CTSZ: variants seen among roughly 807,000 people sequenced by gnomAD.
The protein encoded by CTSZ is carboxypeptidase LB.
A neutral mutation model predicts 32.4 loss-of-function variants in CTSZ; 39 were observed. The ratio of observed to expected loss-of-function variants is 1.20; its 90% confidence interval spans 0.93 to 1.57. The LOEUF (loss-of-function observed/expected upper bound fraction) is 1.57. Ranked by LOEUF, CTSZ falls within the 40% of genes most tolerant of loss-of-function variation. CTSZ has a pLI of 0.00. For synonymous variants in CTSZ, 168 were observed against 170.1 expected (o/e 0.99, Z 0.10); for missense variants, 397 against 419.6 (o/e 0.95, Z 0.47).
At position 58,995,567 on chromosome 20, in the gene CTSZ, G is replaced by T; in HGVS notation, c.*82C>A. The stretch of plus-strand genomic sequence containing the variant: ...TAGCCACCCCAGTTCCTGCCAGCCA[G>T]CCTGGCACACATAACCATAGGATCC... On this transcript the variant is annotated 3_prime_UTR_variant, in exon 6 of 6. Transcript: ENST00000217131. The T allele has an allele frequency of 1.5e-6, 2 of 1,319,802 alleles. No homozygotes were observed. The highest frequency in any genetic ancestry group is 2.2e-6 in the Non-Finnish European group (2 of 921,482). 81.8% of individuals were successfully genotyped at this position (1,319,802 alleles called of 1,614,324 possible). A position where few individuals can be genotyped will look rare whatever the true frequency, so the allele number is the denominator to read the frequency against.
At position 58,997,743 on chromosome 20, in the gene CTSZ, C is replaced by T. The variant is rs1206487671; in HGVS notation, c.498G>A (p.Lys166=). ...NYQAKDQECD[K]FNQCGTCNEF... ...CATTGCATGTCCCACATTGGTTAAA[C>T]TTGTCACACTCTGGGGGAGAGCAAG... The change falls in exon 4 of 6, where the codon AAG becomes AAA. Residue 166 remains lysine (K), a synonymous_variant. Transcript: ENST00000217131. 1.2e-6 allele frequency: 2 copies of T among 1,606,148 alleles called. No homozygotes were observed. The highest frequency in any genetic ancestry group is 1.1e-5 in the South Asian group (1 of 89,104).
chr20:58,997,582 G>C, intron 4 of CTSZ, 21 bp downstream of exon 4: 1 of 1,520,402 alleles, frequency 6.6e-7, no homozygotes. Context: ...ACCTCTCTTT[G>C]CCCGCGGGAC....
At chr20:59,005,785 C>T (rs1601228588) in intron 2 of CTSZ, among the ~76,000 whole-genome samples, 3 of 152,102 alleles carry the variant, frequency 2.0e-5, no homozygotes, top group South Asian at 4.1e-4. Context: ...GCAGCAGCCT[C>T]GTTGATAGGG....
Position 59,007,193 on chromosome 20 carries a change from T to TCCCGCTCTGGATCCCGCCC in CTSZ, c.-84_-66dup. 1 of 1,288,338 alleles carries TCCCGCTCTGGATCCCGCCC rather than the reference T, an allele frequency of 7.8e-7. No individual in the cohort carries two copies. The highest frequency in any genetic ancestry group is 1.6e-5 in the African/African-American group (1 of 63,322). The allele number at this position is 1,288,338 out of a possible 1,614,324, so 79.8% of individuals were successfully genotyped here. On this transcript the variant is annotated 5_prime_UTR_variant, in exon 1 of 6. Transcript: ENST00000217131. ...TCCGAGTCCCAGATCCCGCGCCGGC[T>TCCCGCTCTGGATCCCGCCC]CCCGCTCTGGATCCCGCCCCGGCCT...
rs1452941068 is a variant in CTSZ, at chr20:58,996,741, G to A, written c.699C>T (p.Tyr233=). The part of the protein sequence containing the change: ...ANYTGGIYAE[Y]QDTTYINHVV... ...CATGGTTTATATATGTGGTGTCCTG[G>A]TATTCGGCATAGATGCCTCCGGTGT... is the stretch of plus-strand genomic sequence containing the variant. Residue 233 remains tyrosine, a synonymous_variant, in exon 5 of 6, where the codon TAC becomes TAT. Coordinates refer to ENST00000217131, the MANE Select transcript of CTSZ (RefSeq NM_001336.4). 6.2e-7 allele frequency: 1 copy of A among 1,614,158 alleles called. No individual in the cohort carries two copies. The highest frequency in any genetic ancestry group is 8.5e-7 in the Non-Finnish European group (1 of 1,180,020).
intron 1 of CTSZ, 43 bp from the exon 2 acceptor site, chr20:59,006,528 C>CG: frequency 6.4e-7 from 1 of 1,569,936 alleles, no homozygotes; most frequent in Non-Finnish European, 8.6e-7. Context: ...CTGGGGCTCC[C>CG]GGGGGCCGTG....
rs2091856958 is a variant in CTSZ, at chr20:58,995,854, C to G, written c.802-95G>C. The stretch of plus-strand genomic sequence containing the variant: ...CCTGCCCCCTGCTTTCTGCCTCCAT[C>G]TCTCAGGCCAGCCTTGGGGGATCCA... On this transcript the variant is annotated intron_variant, in intron 5 of 5. Transcript: ENST00000217131. 8 of 1,089,842 alleles carry G rather than the reference C, an allele frequency of 7.3e-6. No individual in the cohort carries two copies. In the East Asian group the frequency reaches 1.7e-4, roughly 23 times the overall value. The allele number at this position is 1,089,842 out of a possible 1,614,324, so 67.5% of individuals were successfully genotyped here. A position where few individuals can be genotyped will look rare whatever the true frequency, so the allele number is the denominator to read the frequency against.
chr20:58,996,460 G>A (rs1177270267), intron 5 of CTSZ, 179 bp downstream of exon 5: 16 of 648,836 alleles, frequency 2.5e-5, no homozygotes, highest in South Asian at 1.6e-4. Context: ...CGGCAGCCGC[G>A]CATGTCAGAG....
At chr20:58,997,859 C>T (rs2091869232) in intron 3 of CTSZ, 106 bp from the exon 4 acceptor site, 1 of 1,014,692 alleles carries the variant, frequency 9.9e-7, no homozygotes. Flanking sequence ...GCCTACCACT[C>T]AGCAGCTAAG....
At chr20:58,996,218 T>G (rs2091859144) in intron 5 of CTSZ, among the ~76,000 whole-genome samples, 1 of 152,158 alleles carries the variant, frequency 6.6e-6, no homozygotes, top group South Asian at 2.1e-4. Flanking sequence ...CGAGTATTTT[T>G]GAAAAACCGA....
chr20:58,996,576 A>C, intron 5 of CTSZ, 63 bp downstream of exon 5: 1 of 1,545,906 alleles, frequency 6.5e-7, no homozygotes, highest in Non-Finnish European at 8.9e-7. Flanking sequence ...GAACCATTCA[A>C]GCGAGAGGAG....
At position 59,004,376 on chromosome 20, in the gene CTSZ, T is replaced by G. The variant is rs962144959; in HGVS notation, c.307+1946A>C. Among the ~76,000 whole-genome samples, 2 of 151,180 alleles carry G rather than the reference T, an allele frequency of 1.3e-5. No homozygotes were observed. The highest frequency in any genetic ancestry group is 4.2e-4 in the South Asian group (2 of 4,752). On this transcript the variant is annotated intron_variant, in intron 2 of 5. Coordinates refer to ENST00000217131, the MANE Select transcript of CTSZ (RefSeq NM_001336.4). This position sits in a 1 kb window ranked among gnomAD's most constrained non-coding sequence, Gnocchi z 5.6. ...AGGGAGGTGGAGGCGGGCAGTATGG[T>G]GCAGGAGAAGGAAGCATCCTGGGGA...
rs1052611615 is a variant in CTSZ at position 58,996,936 on chromosome 20, C to T, written c.639-135G>A. ...CTTTGGGAGGCCGAGGCAGGTGGAT[C>T]GCTTGAGTCCAGGAATTCAAGACCA... On this transcript the variant is annotated intron_variant, in intron 4 of 5. Coordinates refer to ENST00000217131, the MANE Select transcript of CTSZ (RefSeq NM_001336.4). 7.0e-5 allele frequency: 63 copies of T among 895,540 alleles called. 1 individual carries two copies. Among genetic ancestry groups the T allele is most frequent in the Admixed American group, 4.5e-4 (17 of 37,510 alleles). 55.5% of individuals were successfully genotyped at this position (895,540 alleles called of 1,614,324 possible).
chr20:59,006,911 A>G (rs1164385103), intron 1 of CTSZ, 75 bp downstream of exon 1: 4 of 1,255,304 alleles, frequency 3.2e-6, no homozygotes, highest in Non-Finnish European at 4.1e-6. Context: ...CAGGGCCCCC[A>G]GGAGGCAGAG....
At chr20:59,006,620 G>A (rs1352981004) in intron 1 of CTSZ, 135 bp from the exon 2 acceptor site, 4 of 939,958 alleles carry the variant, frequency 4.3e-6, no homozygotes, top group Non-Finnish European at 4.7e-6. Flanking sequence ...CACCAGAGGT[G>A]AGCCAGGTGT....
Position 59,007,015 on chromosome 20 carries a change from C to A in CTSZ, c.114G>T (p.Arg38=). ...GCCCCAGCGGAGCCAGCCCGTCCCC[C>A]CGCAGAGGCCGGTAGCAGGTCTGTC... The part of the protein sequence containing the change: ...RRGQTCYRPL[R]GDGLAPLGRS... Residue 38 remains arginine (R), a synonymous_variant, in exon 1 of 6, where the codon CGG becomes CGT. Coordinates refer to ENST00000217131, the MANE Select transcript of CTSZ (RefSeq NM_001336.4). 6.8e-7 allele frequency: 1 copy of A among 1,472,960 alleles called. No homozygotes were observed. The highest frequency in any genetic ancestry group is 8.9e-7 in the Non-Finnish European group (1 of 1,119,426). The allele number at this position is 1,472,960 out of a possible 1,614,324, so 91.2% of individuals were successfully genotyped here.
In CTSZ at chr20:58,995,762, G is replaced by A; in HGVS notation, c.802-3C>T. On this transcript the variant is annotated splice_region_variant and splice_polypyrimidine_tract_variant and intron_variant, in intron 5 of 5. Transcript: ENST00000217131. ...ATCCTCAGCCAGCCTCTCTCGCCCT[G>A]TGAGAAGTGGGATCGCGCGTCAGCC... 6.2e-7 allele frequency: 1 copy of A among 1,613,634 alleles called. No homozygotes were observed. Among genetic ancestry groups the A allele is most frequent in the Non-Finnish European group, 8.5e-7 (1 of 1,179,672 alleles).
At position 59,007,114 on chromosome 20, in the gene CTSZ, C is replaced by A; in HGVS notation, c.15G>T (p.Gly5=). ...GCAGCAGAAGCGGCCGCCACCCTGGCCCGCGCCTCGCCATGGCCCCGCGCC... is the reference window on the plus strand; with the variant it reads ...GCAGCAGAAGCGGCCGCCACCCTGGACCGCGCCTCGCCATGGCCCCGCGCC... MARR[G]PGWRPLLLLV... is the part of the protein sequence containing the mutation. The change falls in exon 1 of 6, where the codon GGG becomes GGT. Residue 5 remains glycine, a synonymous_variant. Transcript: ENST00000217131. The A allele has an allele frequency of 7.1e-7, 1 of 1,400,438 alleles. No homozygotes were observed. Among genetic ancestry groups the A allele is most frequent in the Non-Finnish European group, 9.2e-7 (1 of 1,083,032 alleles). 86.8% of individuals were successfully genotyped at this position (1,400,438 alleles called of 1,614,324 possible).
chr20:59,001,740 C>T, intron 2 of CTSZ, 96 bp from the exon 3 acceptor site: 1 of 1,307,214 alleles, frequency 7.6e-7, no homozygotes. Flanking sequence ...AGGCGCTGCC[C>T]AGCCTGGCCT....
Sources: allele counts gnomAD v4.1 joint callset (sites outside exome capture counted in the v4.1 genomes callset), GRCh38; gene constraint gnomAD v4.1.1; non-coding constraint Gnocchi (gnomAD v3.1); transcripts MANE v1.5; gene names NCBI Gene and HGNC (gene_info 2026-07-23, HGNC 2026-07-21).